The following STK32B variants were observed in gnomAD, a reference collection of about 807,000 sequenced individuals.
STK32B encodes the protein serine/threonine-protein kinase 32B.
In STK32B, 43 loss-of-function variants were observed where a neutral mutation model predicts 52.6. The observed-to-expected ratio is 0.82, with a 90% CI of 0.64 to 1.05. The LOEUF is 1.05. Among genes scored for constraint, STK32B ranks in the 50% least tolerant of loss-of-function variants. The probability of loss-of-function intolerance (pLI) is 0.00; values close to 1 mark genes in which losing one functional copy is unlikely to be tolerated. For missense variants in STK32B, 621 were observed against 534.6 expected, an observed-to-expected ratio of 1.16 and a Z score of -1.59; for synonymous variants, 238 against 204.3, an observed-to-expected ratio of 1.17 and a Z score of -1.41.
chr4:5,347,296 C>G lies in STK32B; in HGVS notation c.434+15903C>G, dbSNP rs151137509. ...TTTGTTGTGAGTTCAGGCACATCAT[C>G]TAATCTCCCTGAAGCTTTGGTTTAT... On this transcript the variant is annotated intron_variant, in intron 4 of 11. Coordinates refer to ENST00000282908, the MANE Select transcript of STK32B (RefSeq NM_018401.3). Among the ~76,000 whole-genome samples the G allele has an allele frequency of 6.2e-4, 95 of 152,324 alleles. 1 individual carries two copies. In the Middle Eastern group the frequency reaches 0.024, roughly 38 times the overall value.
intron 11 of STK32B, among the ~76,000 whole-genome samples, chr4:5,491,792 C>T (rs1193690603): frequency 1.3e-5 from 2 of 151,662 alleles, no homozygotes; most frequent in Non-Finnish European, 3.0e-5. Context: ...CAGCTTTCTC[C>T]ATATGGCTAG....
rs118166005 is a variant in STK32B, at chr4:5,248,527, A to G, written c.260+80077A>G. Among the ~76,000 whole-genome samples the G allele has an allele frequency of 4.0e-3, 604 of 152,292 alleles. 15 individuals carry two copies. The East Asian group carries it at 0.075, about 19-fold the overall frequency. ...TCAATTTAACTCCTCATGTTAGTCA[A>G]ATTTGACACCTGGGAGACACTTGTC... is the stretch of plus-strand genomic sequence containing the variant. On this transcript the variant is annotated intron_variant, in intron 3 of 11. Coordinates refer to ENST00000282908, the MANE Select transcript of STK32B (RefSeq NM_018401.3).
intron 1 of STK32B, among the ~76,000 whole-genome samples, chr4:5,106,719 A>C (rs753315699): frequency 2.0e-5 from 3 of 152,144 alleles, no homozygotes; most frequent in African/African-American, 4.8e-5. Flanking sequence ...CTTTTAATCT[A>C]TAATAGTTGT....
At chr4:5,181,053 T>G (rs1176678471) in intron 3 of STK32B, among the ~76,000 whole-genome samples, 2 of 151,712 alleles carry the variant, frequency 1.3e-5, no homozygotes, top group African/African-American at 4.8e-5. Flanking sequence ...GGAGGAAAGG[T>G]GAGGGGAGAG....
At chr4:5,350,571 A>C (rs753089363) in intron 4 of STK32B, among the ~76,000 whole-genome samples, 69 of 152,176 alleles carry the variant, frequency 4.5e-4, no homozygotes, top group Non-Finnish European at 4.7e-4. Flanking sequence ...ACAATAAAAT[A>C]GGAACAAAGG....
chr4:5,317,010 A>G (rs1456132798), intron 3 of STK32B, among the ~76,000 whole-genome samples: 1 of 38,076 alleles, frequency 2.6e-5, no homozygotes. Context: ...TATATAATAT[A>G]TATAATATAT....
rs188739220 is a variant in STK32B at position 5,378,956 on chromosome 4, A to G, written c.435-19251A>G. On this transcript the variant is annotated intron_variant, in intron 4 of 11. Coordinates refer to ENST00000282908, the MANE Select transcript of STK32B (RefSeq NM_018401.3). This position sits in a 1 kb window ranked among gnomAD's most constrained non-coding sequence, Gnocchi z 4.4. Reference sequence around the variant, plus strand: ...GTGAGACCCCAGGAGATGGCTGACAAAAAGCTCTGTGGAGAGAGGTCAGGC... The same window carrying G: ...GTGAGACCCCAGGAGATGGCTGACAGAAAGCTCTGTGGAGAGAGGTCAGGC... Among the ~76,000 whole-genome samples the G allele has an allele frequency of 4.6e-5, 7 of 152,284 alleles. No individual in the cohort carries two copies. Among genetic ancestry groups the G allele is most frequent in the Admixed American group, 3.9e-4 (6 of 15,302 alleles).
intron 6 of STK32B, among the ~76,000 whole-genome samples, chr4:5,444,043 A>G (rs56753986): frequency 0.013 from 1,989 of 152,120 alleles, 41 homozygotes; most frequent in East Asian, 0.066. Context: ...AGAGGTTACT[A>G]CTGTCTTTTT....
At position 5,080,059 on chromosome 4, in the gene STK32B, G is replaced by GTTACTAGAGT. The variant is rs1308133015; in HGVS notation, c.52+28150_52+28151insGAGTTTACTA. Among the ~76,000 whole-genome samples, 3 of 151,878 alleles carry GTTACTAGAGT rather than the reference G, an allele frequency of 2.0e-5. No homozygotes were observed. The East Asian group carries it at 5.8e-4, about 29-fold the overall frequency. ...CTAATGGTACGGCATGGTGACTAGA[G>GTTACTAGAGT]TTACTAATAGTGTATTGTAGCCAGG... is the stretch of plus-strand genomic sequence containing the variant. On this transcript the variant is annotated intron_variant, in intron 1 of 11. Coordinates refer to ENST00000282908, the MANE Select transcript of STK32B (RefSeq NM_018401.3).
At chr4:5,413,376 A>G (rs1028303512) in intron 5 of STK32B, among the ~76,000 whole-genome samples, 5 of 152,138 alleles carry the variant, frequency 3.3e-5, no homozygotes, top group African/African-American at 9.7e-5. Flanking sequence ...GCAGGCTTTG[A>G]TCAGGCTCTG....
intron 3 of STK32B, among the ~76,000 whole-genome samples, chr4:5,226,085 A>C (rs73081634): frequency 0.022 from 3,324 of 152,260 alleles, 110 homozygotes; most frequent in African/African-American, 0.071. Context: ...AAATCGATTA[A>C]ATAAGGACAT....
chr4:5,271,496 T>C (rs1484099660), intron 3 of STK32B, among the ~76,000 whole-genome samples: 3 of 151,396 alleles, frequency 2.0e-5, no homozygotes, highest in Non-Finnish European at 4.4e-5. Flanking sequence ...GGCTCTTTTT[T>C]GGTTCCATAT....
At chr4:5,167,158 G>A (rs934170532) in intron 2 of STK32B, among the ~76,000 whole-genome samples, 3 of 151,968 alleles carry the variant, frequency 2.0e-5, no homozygotes, top group East Asian at 1.9e-4. Flanking sequence ...TTGATCCTGC[G>A]GAGAGCCTTC....
intron 3 of STK32B, among the ~76,000 whole-genome samples, chr4:5,295,743 G>T (rs980385817): frequency 1.3e-5 from 2 of 151,718 alleles, no homozygotes; most frequent in Non-Finnish European, 2.9e-5. Context: ...CTGATTTTTC[G>T]AAGGATTTTT....
chr4:5,023,963 G>A, the STK32B span, among the ~76,000 whole-genome samples: 756 of 152,316 alleles, frequency 5.0e-3, 5 homozygotes, highest in African/African-American at 0.016. Flanking sequence ...ACTGTAGGCT[G>A]TGTGTTACAG....
chr4:5,248,802 A>G (rs531077051), intron 3 of STK32B, among the ~76,000 whole-genome samples: 1 of 152,234 alleles, frequency 6.6e-6, no homozygotes, highest in Non-Finnish European at 1.5e-5. Flanking sequence ...GGAAAGCATA[A>G]TTCTCAGCAA....
chr4:5,106,147 G>GA (rs1487226984), intron 1 of STK32B, among the ~76,000 whole-genome samples: 1 of 151,748 alleles, frequency 6.6e-6, no homozygotes, highest in East Asian at 2.0e-4. Flanking sequence ...TGCTAAAAAA[G>GA]AAAAAATTGC....
rs941568956 is a variant in STK32B at position 5,499,924 on chromosome 4, T to TATCA, written c.*842_*845dup. 7.2e-5 allele frequency: 11 copies of TATCA among 152,442 alleles called. No individual in the cohort carries two copies. In the East Asian group the frequency reaches 1.3e-3, roughly 19 times the overall value. The allele number at this position is 152,442 out of a possible 1,614,324, so 9.4% of individuals were successfully genotyped here. ...CCTGCAGCAGAACTCTCCAACTCTC[T>TATCA]ATCAGCTTTCAGGGTTTTCTCTCCT... On this transcript the variant is annotated 3_prime_UTR_variant, in exon 12 of 12. Transcript: ENST00000282908.
chr4:5,335,896 C>G (rs929063875), intron 4 of STK32B, among the ~76,000 whole-genome samples: 2 of 151,584 alleles, frequency 1.3e-5, no homozygotes, highest in South Asian at 4.2e-4. Flanking sequence ...GCTTTATTTC[C>G]AACTATGTGG....
Sources: gnomAD v4.1 joint callset for allele counts (sites outside exome capture counted in the v4.1 genomes callset) on GRCh38, gnomAD v4.1.1 for gene constraint, Gnocchi (gnomAD v3.1) non-coding constraint, MANE v1.5 for transcripts, NCBI Gene and HGNC (gene_info 2026-07-23, HGNC 2026-07-21) for gene names.